CMTM3: variants seen among roughly 807,000 people sequenced by gnomAD.
CMTM3 encodes CKLF-like MARVEL transmembrane domain-containing protein 3.
A neutral mutation model predicts 18.2 loss-of-function variants in CMTM3; 7 were observed. That is an observed-to-expected ratio of 0.38 (90% CI 0.22 to 0.72). The LOEUF (loss-of-function observed/expected upper bound fraction) is 0.72. CMTM3 is among the 30% of genes least tolerant of loss of function. The pLI is 0.46. For missense variants in CMTM3, 227 were observed against 249.2 expected (o/e 0.91, Z 0.60); for synonymous variants, 109 against 111.2 (o/e 0.98, Z 0.12).
chr16:66,612,137 G>A lies in CMTM3; in HGVS notation c.521-472G>A, dbSNP rs544716740. 6.0e-4 allele frequency among the ~76,000 whole-genome samples: 91 copies of A among 152,210 alleles called. No homozygotes were observed. Among genetic ancestry groups the A allele is most frequent in the Admixed American group, 3.7e-3 (56 of 15,298 alleles). ...GGAGGTGCAAGTGGCTTCTGCGGCC[G>A]GGCACGGTGGCTCACGCCTGTTACC... On this transcript the variant is annotated intron_variant, in intron 4 of 4. Transcript: ENST00000567572. The surrounding 1 kb of genome is among the most constrained non-coding windows in gnomAD (Gnocchi z 6.0).
In CMTM3 at chr16:66,610,459, G is replaced by A. The variant is rs2015334582; in HGVS notation, c.520+456G>A. 6.6e-6 allele frequency among the ~76,000 whole-genome samples: 1 copy of A among 152,164 alleles called. No individual in the cohort carries two copies. The highest frequency in any genetic ancestry group is 6.5e-5 in the Admixed American group (1 of 15,280). On this transcript the variant is annotated intron_variant, in intron 4 of 4. Coordinates refer to ENST00000567572, the MANE Select transcript of CMTM3 (RefSeq NM_181553.4). This position sits in a 1 kb window ranked among gnomAD's most constrained non-coding sequence, Gnocchi z 4.6. ...TGATGTGTCCCGTACCAGGGGAGGG[G>A]CCAGATGGGGCAGCAATGACGACAG... is the stretch of plus-strand genomic sequence containing the variant.
chr16:66,610,435 G>A lies in CMTM3; in HGVS notation c.520+432G>A, dbSNP rs1164282427. Among the ~76,000 whole-genome samples the A allele has an allele frequency of 6.6e-6, 1 of 152,178 alleles. No individual in the cohort carries two copies. Among genetic ancestry groups the A allele is most frequent in the African/African-American group, 2.4e-5 (1 of 41,444 alleles). On this transcript the variant is annotated intron_variant, in intron 4 of 4. Coordinates refer to ENST00000567572, the MANE Select transcript of CMTM3 (RefSeq NM_181553.4). The surrounding 1 kb of genome is among the most constrained non-coding windows in gnomAD (Gnocchi z 4.6). ...CCAGAAACCGTGGCAAGGGACAGATGATGTGTCCCGTACCAGGGGAGGGGC... is the reference window on the plus strand; with the variant it reads ...CCAGAAACCGTGGCAAGGGACAGATAATGTGTCCCGTACCAGGGGAGGGGC...
rs755283851 is a variant in CMTM3 at position 66,608,182 on chromosome 16, G to A, written c.148-127G>A. 3.3e-5 allele frequency: 32 copies of A among 969,344 alleles called. No homozygotes were observed. The Middle Eastern group carries it at 6.7e-4, about 20-fold the overall frequency. 60.0% of individuals were successfully genotyped at this position (969,344 alleles called of 1,614,324 possible). On this transcript the variant is annotated intron_variant, in intron 1 of 4. Transcript: ENST00000567572. This position sits in a 1 kb window ranked among gnomAD's most constrained non-coding sequence, Gnocchi z 5.1. Reference sequence around the variant, plus strand: ...TCTGGCTCTGCCACTTCCCAGCTGCGGGACTGTGAGCAGTTGGCTTCCCCT... The same window carrying A: ...TCTGGCTCTGCCACTTCCCAGCTGCAGGACTGTGAGCAGTTGGCTTCCCCT...
Position 66,608,373 on chromosome 16 carries a change from C to A in CMTM3, c.212C>A (p.Pro71His). 6.2e-7 allele frequency: 1 copy of A among 1,614,224 alleles called. No homozygotes were observed. Among genetic ancestry groups the A allele is most frequent in the Non-Finnish European group, 8.5e-7 (1 of 1,180,044 alleles). ...TCAGCATCTGCCTTCCTCACAGCGC[C>A]TCTGCTGGAGTTCCTGCTGGCCTTG... ...ASSASAFLTA[P>H]LLEFLLALYF... The change falls in exon 2 of 5, where the codon CCT (proline) becomes CAT (histidine). Residue 71 changes from proline (P) to histidine (H), a missense_variant. Transcript: ENST00000567572. This position sits in a 1 kb window ranked among gnomAD's most constrained non-coding sequence, Gnocchi z 5.1.
intron 1 of CMTM3, among the ~76,000 whole-genome samples, chr16:66,606,928 A>C (rs1272060672): frequency 6.6e-6 from 1 of 152,216 alleles, no homozygotes; most frequent in Non-Finnish European, 1.5e-5. Flanking sequence ...CCGGAGGTGG[A>C]GGTTGCAGTG....
chr16:66,604,627 AG>A (rs1837548172), upstream of CMTM3: 1 of 283,890 alleles, frequency 3.5e-6, no homozygotes, highest in Non-Finnish European at 4.8e-6. Context: ...CCGGGGTCCG[AG>A]GGGGAGGGGC....
chr16:66,610,964 G>A lies in CMTM3; in HGVS notation c.520+961G>A, dbSNP rs1490768570. On this transcript the variant is annotated intron_variant, in intron 4 of 4. Coordinates refer to ENST00000567572, the MANE Select transcript of CMTM3 (RefSeq NM_181553.4). This position sits in a 1 kb window ranked among gnomAD's most constrained non-coding sequence, Gnocchi z 4.6. ...AAATATTAGGTTAGAGCTCCCAGGC[G>A]GTTTCCTCAGGCTCTGCAACCTGCT... The A allele has an allele frequency of 7.5e-6, 3 of 398,308 alleles. No homozygotes were observed. Among genetic ancestry groups the A allele is most frequent in the Non-Finnish European group, 1.3e-5 (3 of 225,978 alleles). The allele number at this position is 398,308 out of a possible 1,614,324, so 24.7% of individuals were successfully genotyped here. A position where few individuals can be genotyped will look rare whatever the true frequency, so the allele number is the denominator to read the frequency against.
Position 66,608,341 on chromosome 16 carries a change from G to A in CMTM3, c.180G>A (p.Val60=). 1 of 1,614,178 alleles carries A rather than the reference G, an allele frequency of 6.2e-7. No individual in the cohort carries two copies. Among genetic ancestry groups the A allele is most frequent in the South Asian group, 1.1e-5 (1 of 91,086 alleles). The change falls in exon 2 of 5, where the codon GTG becomes GTA. Residue 60 remains valine (V), a synonymous_variant. Coordinates refer to ENST00000567572, the MANE Select transcript of CMTM3 (RefSeq NM_181553.4). This position sits in a 1 kb window ranked among gnomAD's most constrained non-coding sequence, Gnocchi z 5.1. ...CATTCATCACTTTTATCTGCTATGT[G>A]GCGTCCTCAGCATCTGCCTTCCTCA... ...GLSFITFICY[V]ASSASAFLTA...
rs2015342553 is a variant in CMTM3, at chr16:66,610,659, G to A, written c.520+656G>A. 6.6e-6 allele frequency among the ~76,000 whole-genome samples: 1 copy of A among 152,134 alleles called. No homozygotes were observed. The highest frequency in any genetic ancestry group is 1.5e-5 in the Non-Finnish European group (1 of 68,028). On this transcript the variant is annotated intron_variant, in intron 4 of 4. Transcript: ENST00000567572. This position sits in a 1 kb window ranked among gnomAD's most constrained non-coding sequence, Gnocchi z 4.6. ...TGTAGGGAAGAAGGCTGAGAGCAGA[G>A]ACAGCAGGCGCTTCTGCCTGGGGAG... is the stretch of plus-strand genomic sequence containing the variant.
Position 66,604,738 on chromosome 16 carries a change from T to G in CMTM3, c.-68T>G. 2.6e-6 allele frequency: 3 copies of G among 1,169,044 alleles called. No homozygotes were observed. The highest frequency in any genetic ancestry group is 3.2e-6 in the Non-Finnish European group (3 of 936,834). The allele number at this position is 1,169,044 out of a possible 1,614,324, so 72.4% of individuals were successfully genotyped here. A position where few individuals can be genotyped will look rare whatever the true frequency, so the allele number is the denominator to read the frequency against. On this transcript the variant is annotated 5_prime_UTR_variant, in exon 1 of 5. Transcript: ENST00000567572. Reference sequence around the variant, plus strand: ...TGCCCTCCTTCCGCACAGCCCGGGTTTCCGCTTCCCTCCGGGCGCGAGAAG... The same window carrying G: ...TGCCCTCCTTCCGCACAGCCCGGGTGTCCGCTTCCCTCCGGGCGCGAGAAG...
rs2144764402 is a variant in CMTM3, at chr16:66,613,832, T to C, written c.*1195T>C. On this transcript the variant is annotated 3_prime_UTR_variant, in exon 5 of 5. Coordinates refer to ENST00000567572, the MANE Select transcript of CMTM3 (RefSeq NM_181553.4). ...CTTCAGTACAAACTGGTAACACCAA[T>C]GTGGATCCTGACAGCTTTCAGTTTT... 6.6e-6 allele frequency: 1 copy of C among 152,170 alleles called. No individual in the cohort carries two copies. Among genetic ancestry groups the C allele is most frequent in the South Asian group, 2.1e-4 (1 of 4,820 alleles). The allele number at this position is 152,170 out of a possible 1,614,324, so 9.4% of individuals were successfully genotyped here.
In CMTM3 at chr16:66,604,835, G is replaced by C; in HGVS notation, c.30G>C (p.Pro10=). ...GGCCCCCAGACCCCGACCCCGACCC[G>C]GACCCCGAGCCTGCCGGCGGCTCCC... MWPPDPDPD[P]DPEPAGGSRP... Residue 10 remains proline, a synonymous_variant, in exon 1 of 5, where the codon CCG becomes CCC. Transcript: ENST00000567572. 7.5e-7 allele frequency: 1 copy of C among 1,327,862 alleles called. No individual in the cohort carries two copies. 82.3% of individuals were successfully genotyped at this position (1,327,862 alleles called of 1,614,324 possible). A position where few individuals can be genotyped will look rare whatever the true frequency, so the allele number is the denominator to read the frequency against.
At chr16:66,611,841 TG>T (rs1567396434) in intron 4 of CMTM3, among the ~76,000 whole-genome samples, 1 of 151,248 alleles carries the variant, frequency 6.6e-6, no homozygotes, top group African/African-American at 2.4e-5. Flanking sequence ...AAACAAGGAT[TG>T]GGGGAGGGGG....
At chr16:66,604,290 G>A (rs1426498974), upstream of CMTM3, 1 of 152,470 alleles carries the variant, frequency 6.6e-6, no homozygotes, top group Non-Finnish European at 1.5e-5. Context: ...GGGGACAGGA[G>A]GGGTGGCCAA....
chr16:66,608,337 A>C lies in CMTM3; in HGVS notation c.176A>C (p.Tyr59Ser). The change falls in exon 2 of 5, where the codon TAT becomes TCT. Residue 59 changes from tyrosine (Y) to serine (S), a missense_variant. Transcript: ENST00000567572. This position sits in a 1 kb window ranked among gnomAD's most constrained non-coding sequence, Gnocchi z 5.1. ...CTCTCATTCATCACTTTTATCTGCT[A>C]TGTGGCGTCCTCAGCATCTGCCTTC... ...SGLSFITFIC[Y>S]VASSASAFLT... 1 of 1,614,174 alleles carries C rather than the reference A, an allele frequency of 6.2e-7. No individual in the cohort carries two copies. The highest frequency in any genetic ancestry group is 8.5e-7 in the Non-Finnish European group (1 of 1,180,034).
chr16:66,604,755 C>A lies in CMTM3; in HGVS notation c.-51C>A, dbSNP rs1246709153. ...GCCCGGGTTTCCGCTTCCCTCCGGG[C>A]GCGAGAAGAGGGGAGCCAGGCCGAG... On this transcript the variant is annotated 5_prime_UTR_variant, in exon 1 of 5. Coordinates refer to ENST00000567572, the MANE Select transcript of CMTM3 (RefSeq NM_181553.4). 5.5e-5 allele frequency: 66 copies of A among 1,208,700 alleles called. No individual in the cohort carries two copies. The highest frequency in any genetic ancestry group is 6.6e-5 in the Non-Finnish European group (64 of 971,564). 74.9% of individuals were successfully genotyped at this position (1,208,700 alleles called of 1,614,324 possible).
Position 66,609,457 on chromosome 16 carries a change from C to T in CMTM3, c.326C>T (p.Ala109Val), listed in dbSNP as rs143994929. The part of the protein sequence containing the change: ...PMMDFLRCVT[A>V]ALIYFAISIT... ...CAGGACTTCCTGCGCTGTGTCACCG[C>T]GGCCCTCATCTACTTTGCTATCTCC... Residue 109 changes from alanine (A) to valine (V), a missense_variant, in exon 3 of 5, where the codon GCG becomes GTG. Transcript: ENST00000567572. This position sits in a 1 kb window ranked among gnomAD's most constrained non-coding sequence, Gnocchi z 4.4. 2.0e-5 allele frequency: 32 copies of T among 1,612,870 alleles called. No homozygotes were observed. In the African/African-American group the frequency reaches 3.2e-4, roughly 16 times the overall value.
chr16:66,612,665 A>G lies in CMTM3; in HGVS notation c.*28A>G. 1 of 1,612,386 alleles carries G rather than the reference A, an allele frequency of 6.2e-7. No homozygotes were observed. Among genetic ancestry groups the G allele is most frequent in the Non-Finnish European group, 8.5e-7 (1 of 1,178,802 alleles). On this transcript the variant is annotated 3_prime_UTR_variant, in exon 5 of 5. Coordinates refer to ENST00000567572, the MANE Select transcript of CMTM3 (RefSeq NM_181553.4). The surrounding 1 kb of genome is among the most constrained non-coding windows in gnomAD (Gnocchi z 6.0). ...GCCTGGCGGGTGCCTTGGCAACCTG[A>G]GCCACACAGGCCTCCACCCCTGCGC... is the stretch of plus-strand genomic sequence containing the variant.
rs879777189 is a variant in CMTM3, at chr16:66,608,203, C to T, written c.148-106C>T. The T allele has an allele frequency of 1.6e-6, 2 of 1,276,054 alleles. No individual in the cohort carries two copies. Among genetic ancestry groups the T allele is most frequent in the Non-Finnish European group, 1.1e-6 (1 of 906,998 alleles). The allele number at this position is 1,276,054 out of a possible 1,614,324, so 79.0% of individuals were successfully genotyped here. ...CTGCGGGACTGTGAGCAGTTGGCTTCCCCTGCTGGAACCTCCTCTATCCTG... is the reference window on the plus strand; with the variant it reads ...CTGCGGGACTGTGAGCAGTTGGCTTTCCCTGCTGGAACCTCCTCTATCCTG... On this transcript the variant is annotated intron_variant, in intron 1 of 4. Coordinates refer to ENST00000567572, the MANE Select transcript of CMTM3 (RefSeq NM_181553.4). The surrounding 1 kb of genome is among the most constrained non-coding windows in gnomAD (Gnocchi z 5.1).
Sources: allele counts gnomAD v4.1 joint callset (sites outside exome capture counted in the v4.1 genomes callset), GRCh38; gene constraint gnomAD v4.1.1; non-coding constraint Gnocchi (gnomAD v3.1); transcripts MANE v1.5; gene names NCBI Gene and HGNC (gene_info 2026-07-23, HGNC 2026-07-21).